Variants in THSD7A observed in about 807,000 individuals in gnomAD.
THSD7A encodes the protein thrombospondin type-1 domain-containing protein 7A.
Under a neutral mutation model 231.3 loss-of-function variants are expected in THSD7A, and 96 were observed. The ratio of observed to expected loss-of-function variants is 0.41; its 90% confidence interval spans 0.35 to 0.49. The LOEUF is 0.49. Among genes scored for constraint, THSD7A ranks in the 20% least tolerant of loss-of-function variants. The probability of loss-of-function intolerance (pLI) is 0.05; values close to 1 mark genes in which losing one functional copy is unlikely to be tolerated. For missense variants in THSD7A, 2,290 were observed against 2,070.2 expected (o/e 1.11, Z -2.06); for synonymous variants, 940 against 743.3 (o/e 1.26, Z -4.30).
intron 11 of THSD7A, among the ~76,000 whole-genome samples, chr7:11,450,720 G>T (rs139915151): frequency 6.6e-6 from 1 of 151,970 alleles, no homozygotes; most frequent in Non-Finnish European, 1.5e-5. Flanking sequence ...TAGCACACCA[G>T]AAAACTACAT....
intron 16 of THSD7A, among the ~76,000 whole-genome samples, chr7:11,422,717 G>A (rs1426199358): frequency 2.0e-5 from 3 of 151,842 alleles, no homozygotes; most frequent in Non-Finnish European, 4.4e-5. Flanking sequence ...CAGTAGCACC[G>A]TCTCGGCTCA....
At chr7:11,739,629 G>A (rs1437331699) in intron 1 of THSD7A, among the ~76,000 whole-genome samples, 12 of 151,174 alleles carry the variant, frequency 7.9e-5, no homozygotes. Context: ...ATGTTCCCAG[G>A]CTTGTCTTGA....
At chr7:11,556,629 T>C (rs1021325961) in intron 4 of THSD7A, among the ~76,000 whole-genome samples, 1 of 151,970 alleles carries the variant, frequency 6.6e-6, no homozygotes, top group Non-Finnish European at 1.5e-5. Context: ...TAGTGAACTT[T>C]CTTTAGCTAT....
chr7:11,504,529 T>A (rs527834924), intron 6 of THSD7A, among the ~76,000 whole-genome samples: 3 of 152,296 alleles, frequency 2.0e-5, no homozygotes, highest in Admixed American at 6.5e-5. Context: ...ATTCCTTTTT[T>A]AAAAAATGAC....
In THSD7A at chr7:11,622,926, T is replaced by C. The variant is rs578192883; in HGVS notation, c.1022+13204A>G. Reference sequence around the variant, plus strand: ...ATCCCTTAGAAAGGCTTTAGAGATATCTTCATAGTTGTGGGAGAAAATAAA... The same window carrying C: ...ATCCCTTAGAAAGGCTTTAGAGATACCTTCATAGTTGTGGGAGAAAATAAA... On this transcript the variant is annotated intron_variant, in intron 2 of 27. Transcript: ENST00000423059. Among the ~76,000 whole-genome samples the C allele has an allele frequency of 2.6e-5, 4 of 152,254 alleles. No homozygotes were observed. The East Asian group carries it at 5.8e-4, about 22-fold the overall frequency.
At chr7:11,399,816 C>G (rs376339801) in intron 23 of THSD7A, among the ~76,000 whole-genome samples, 1 of 152,130 alleles carries the variant, frequency 6.6e-6, no homozygotes, top group African/African-American at 2.4e-5. Context: ...ACTGGGTATA[C>G]GCCCAAAGGA....
chr7:11,774,041 T>A (rs1340445436), intron 1 of THSD7A, among the ~76,000 whole-genome samples: 1 of 152,146 alleles, frequency 6.6e-6, no homozygotes, highest in African/African-American at 2.4e-5. Flanking sequence ...ACCCAAACAG[T>A]AATAATCAAT....
chr7:11,619,765 A>C (rs1436102148), intron 2 of THSD7A, among the ~76,000 whole-genome samples: 2 of 152,174 alleles, frequency 1.3e-5, no homozygotes, highest in Non-Finnish European at 2.9e-5. Flanking sequence ...GAAGAAAGGT[A>C]GAAAGAAATA....
At chr7:11,666,437 C>A (rs915982776) in intron 1 of THSD7A, among the ~76,000 whole-genome samples, 14 of 152,010 alleles carry the variant, frequency 9.2e-5, no homozygotes, top group African/African-American at 3.4e-4. Flanking sequence ...GGCATTATAG[C>A]ACTCAAAATG....
chr7:11,476,174 G>C (rs1286054891), intron 7 of THSD7A, among the ~76,000 whole-genome samples: 2 of 151,808 alleles, frequency 1.3e-5, no homozygotes, highest in Admixed American at 6.6e-5. Flanking sequence ...GTATTAAAAT[G>C]TTGCCTCCCT....
At chr7:11,461,287 T>A (rs1785496395) in intron 10 of THSD7A, among the ~76,000 whole-genome samples, 1 of 152,210 alleles carries the variant, frequency 6.6e-6, no homozygotes, top group Non-Finnish European at 1.5e-5. Flanking sequence ...AATTATAGTA[T>A]TTGTCATCTC....
chr7:11,741,702 G>A (rs908493363), intron 1 of THSD7A, among the ~76,000 whole-genome samples: 3 of 151,530 alleles, frequency 2.0e-5, no homozygotes, highest in African/African-American at 7.3e-5. Flanking sequence ...GAGGGGAAAA[G>A]TATAAAGTAA....
In THSD7A at chr7:11,814,815, C is replaced by T. The variant is rs1394467753; in HGVS notation, c.190+16942G>A. ...CTCTCCCATTAGAGGTATGTAGTCACCACAGCAAACTCTCAAAAGAAGCTG... is the reference window on the plus strand; with the variant it reads ...CTCTCCCATTAGAGGTATGTAGTCATCACAGCAAACTCTCAAAAGAAGCTG... On this transcript the variant is annotated intron_variant, in intron 1 of 27. Transcript: ENST00000423059. This position sits in a 1 kb window ranked among gnomAD's most constrained non-coding sequence, Gnocchi z 5.1. Among the ~76,000 whole-genome samples, 6 of 152,136 alleles carry T rather than the reference C, an allele frequency of 3.9e-5. No individual in the cohort carries two copies. The highest frequency in any genetic ancestry group is 1.4e-4 in the African/African-American group (6 of 41,430).
intron 1 of THSD7A, among the ~76,000 whole-genome samples, chr7:11,809,926 G>T (rs1426708961): frequency 1.3e-5 from 2 of 152,066 alleles, no homozygotes; most frequent in African/African-American, 2.4e-5. Flanking sequence ...GAAGGTAGTG[G>T]TTCTAGAACA....
chr7:11,795,548 A>G (rs940604085), intron 1 of THSD7A, among the ~76,000 whole-genome samples: 4 of 152,040 alleles, frequency 2.6e-5, no homozygotes, highest in Non-Finnish European at 5.9e-5. Flanking sequence ...CGCATTCATT[A>G]TGTTGTATTA....
chr7:11,684,546 A>G (rs1275447480), intron 1 of THSD7A, among the ~76,000 whole-genome samples: 1 of 152,046 alleles, frequency 6.6e-6, no homozygotes, highest in African/African-American at 2.4e-5. Context: ...GTTTCAGGAT[A>G]CAAAATCAAT....
At chr7:11,774,418 C>T (rs546918712) in intron 1 of THSD7A, among the ~76,000 whole-genome samples, 8 of 151,932 alleles carry the variant, frequency 5.3e-5, no homozygotes, top group Admixed American at 2.6e-4. Flanking sequence ...ACATACTGCC[C>T]ATAGTTAACA....
At chr7:11,816,882 G>T (rs76853646) in intron 1 of THSD7A, among the ~76,000 whole-genome samples, 2,913 of 152,114 alleles carry the variant, frequency 0.019, 96 homozygotes, top group African/African-American at 0.067. Context: ...TGCATTATTT[G>T]CATGTGCCTG....
At position 11,832,010 on chromosome 7, in the gene THSD7A, C is replaced by G; in HGVS notation, c.-64G>C. 1.9e-6 allele frequency: 2 copies of G among 1,080,080 alleles called. No homozygotes were observed. Among genetic ancestry groups the G allele is most frequent in the Non-Finnish European group, 2.3e-6 (2 of 855,740 alleles). 66.9% of individuals were successfully genotyped at this position (1,080,080 alleles called of 1,614,324 possible). A position where few individuals can be genotyped will look rare whatever the true frequency, so the allele number is the denominator to read the frequency against. On this transcript the variant is annotated 5_prime_UTR_variant, in exon 1 of 28. Transcript: ENST00000423059. ...GCTCGGCAGGGAATTTTTCTCCGCT[C>G]TTGGAACGTCTTTTCAAAGAGTACA...
Sources: gnomAD v4.1 joint callset for allele counts (sites outside exome capture counted in the v4.1 genomes callset) on GRCh38, gnomAD v4.1.1 for gene constraint, Gnocchi (gnomAD v3.1) non-coding constraint, MANE v1.5 for transcripts, NCBI Gene and HGNC (gene_info 2026-07-23, HGNC 2026-07-21) for gene names.